UBXN2B: variants seen among roughly 807,000 people sequenced by gnomAD.
UBXN2B encodes the protein UBX domain-containing protein 2B.
UBXN2B carries 19 observed loss-of-function variants against 37.5 expected under a neutral mutation model. The ratio of observed to expected loss-of-function variants is 0.51; its 90% CI spans 0.35 to 0.74. The LOEUF (loss-of-function observed/expected upper bound fraction) is 0.74, where lower values mean the gene tolerates loss of function less well. Ranked by LOEUF, UBXN2B falls within the 30% of genes least tolerant of loss-of-function variation. UBXN2B has a pLI of 0.01. For missense variants in UBXN2B, 370 were observed against 393.2 expected (o/e 0.94, Z 0.50); for synonymous variants, 145 against 143.8 (o/e 1.01, Z -0.06).
chr8:58,423,826 C>T (rs1463981928), intron 2 of UBXN2B, among the ~76,000 whole-genome samples: 12 of 151,844 alleles, frequency 7.9e-5, no homozygotes, highest in Non-Finnish European at 1.0e-4. Context: ...TTCATAGATG[C>T]CTTTTTTCTG....
chr8:58,445,864 ATAT>A (rs781752060), intron 6 of UBXN2B, 40 bp from the exon 7 acceptor site: 5 of 1,515,288 alleles, frequency 3.3e-6, no homozygotes, highest in Non-Finnish European at 4.4e-6. Flanking sequence ...AGTTTGTCAT[ATAT>A]TTTACACATT....
intron 4 of UBXN2B, among the ~76,000 whole-genome samples, 161 bp from the exon 5 acceptor site, chr8:58,434,234 A>G (rs1162303754): frequency 6.6e-6 from 1 of 152,130 alleles, no homozygotes; most frequent in African/African-American, 2.4e-5. Context: ...GTCTTTCACT[A>G]TGAATAAAGA....
intron 6 of UBXN2B, 36 bp downstream of exon 6, chr8:58,439,806 A>T (rs576146278): frequency 6.4e-7 from 1 of 1,562,614 alleles, no homozygotes; most frequent in Admixed American, 2.1e-5. Context: ...ACCTTTGTTG[A>T]ACATGAATTT....
chr8:58,435,184 A>G, intron 5 of UBXN2B: 1 of 1,290,618 alleles, frequency 7.7e-7, no homozygotes, highest in South Asian at 1.6e-5. Context: ...ATTAAGTTGT[A>G]GGAAAGGATC....
intron 5 of UBXN2B, among the ~76,000 whole-genome samples, chr8:58,438,516 A>G (rs1794920231): frequency 6.6e-6 from 1 of 152,196 alleles, no homozygotes; most frequent in African/African-American, 2.4e-5. Context: ...TTGGAGCTTT[A>G]AGATTTAATG....
chr8:58,425,867 A>G (rs1808069554), intron 2 of UBXN2B: 1 of 1,147,386 alleles, frequency 8.7e-7, no homozygotes, highest in Non-Finnish European at 1.3e-6. Flanking sequence ...AACATGGGCC[A>G]CTTTAGACTT....
At chr8:58,445,838 GT>G (rs1358690253) in intron 6 of UBXN2B, 68 bp from the exon 7 acceptor site, 43 of 1,361,740 alleles carry the variant, frequency 3.2e-5, no homozygotes, top group Admixed American at 1.1e-4. Flanking sequence ...TGTTCTAAGT[GT>G]TTATCGCTGT....
rs33952664 is a variant in UBXN2B, at chr8:58,441,348, C to CATATATATATATATATATAT, written c.671+1579_671+1598dup. ...TTTTTACTCCTCTTGTTGTGATCAA[C>CATATATATATATATATATAT]ATATATATATATATATATATGTATG... On this transcript the variant is annotated intron_variant, in intron 6 of 7. Coordinates refer to ENST00000399598, the MANE Select transcript of UBXN2B (RefSeq NM_001077619.2). Among the ~76,000 whole-genome samples the CATATATATATATATATATAT allele has an allele frequency of 2.1e-3, 221 of 104,526 alleles. 6 individuals carry two copies. Among genetic ancestry groups the CATATATATATATATATATAT allele is most frequent in the African/African-American group, 7.3e-3 (182 of 24,928 alleles). 68.6% of individuals were successfully genotyped at this position (104,526 alleles called of 152,430 possible). A position where few individuals can be genotyped will look rare whatever the true frequency, so the allele number is the denominator to read the frequency against.
At chr8:58,430,743 A>G in intron 3 of UBXN2B, 74 bp downstream of exon 3, 1 of 1,172,694 alleles carries the variant, frequency 8.5e-7, no homozygotes, top group Non-Finnish European at 1.1e-6. Flanking sequence ...ATTATTTGCA[A>G]ACATTGTTTT....
At chr8:58,429,714 A>G (rs1808197654) in intron 2 of UBXN2B, among the ~76,000 whole-genome samples, 1 of 152,006 alleles carries the variant, frequency 6.6e-6, no homozygotes, top group Non-Finnish European at 1.5e-5. Context: ...GTTTTGTTCT[A>G]TGTGTCAGTT....
chr8:58,428,024 A>G (rs1312513997), intron 2 of UBXN2B, among the ~76,000 whole-genome samples: 1 of 152,200 alleles, frequency 6.6e-6, no homozygotes, highest in African/African-American at 2.4e-5. Flanking sequence ...GAGAAGAAGG[A>G]TAGGCTCAAA....
chr8:58,431,673 A>T (rs141269370), intron 3 of UBXN2B, among the ~76,000 whole-genome samples: 1 of 152,214 alleles, frequency 6.6e-6, no homozygotes, highest in Admixed American at 6.5e-5. Flanking sequence ...GCCATTTTAT[A>T]TTCCCACATA....
intron 2 of UBXN2B, among the ~76,000 whole-genome samples, chr8:58,417,782 C>T (rs948911962): frequency 6.6e-6 from 1 of 152,116 alleles, no homozygotes; most frequent in African/African-American, 2.4e-5. Context: ...CAAGTTGGTA[C>T]AATGTTACAT....
chr8:58,420,095 A>G (rs1229031311), intron 2 of UBXN2B, among the ~76,000 whole-genome samples: 1 of 152,252 alleles, frequency 6.6e-6, no homozygotes, highest in African/African-American at 2.4e-5. Context: ...AAATTTAGTG[A>G]CAAAACTATA....
At chr8:58,434,361 ATATATATAT>A (rs1369021336) in intron 4 of UBXN2B, 25 bp from the exon 5 acceptor site, 18 of 561,642 alleles carry the variant, frequency 3.2e-5, no homozygotes, top group Non-Finnish European at 3.9e-5. Flanking sequence ...ATATATATAT[ATATATATAT>A]TTTTTTTTTT....
intron 6 of UBXN2B, among the ~76,000 whole-genome samples, chr8:58,442,523 C>T (rs1424182821): frequency 6.6e-6 from 1 of 152,164 alleles, no homozygotes; most frequent in Non-Finnish European, 1.5e-5. Flanking sequence ...AGTCTAATTA[C>T]ACACAGAATG....
intron 5 of UBXN2B, among the ~76,000 whole-genome samples, chr8:58,438,665 A>G (rs1478964379): frequency 6.6e-6 from 1 of 152,200 alleles, no homozygotes; most frequent in African/African-American, 2.4e-5. Flanking sequence ...TTTTTATCTT[A>G]CAGGATTATA....
chr8:58,413,410 T>C (rs990458359), intron 1 of UBXN2B: 1 of 152,210 alleles, frequency 6.6e-6, no homozygotes, highest in African/African-American at 2.4e-5. Flanking sequence ...ATAATGTTCT[T>C]CCCAAATGGT....
At chr8:58,415,898 T>C (rs576092479) in intron 1 of UBXN2B, among the ~76,000 whole-genome samples, 8 of 152,094 alleles carry the variant, frequency 5.3e-5, no homozygotes, top group Non-Finnish European at 1.2e-4. Flanking sequence ...GTGTATATTT[T>C]AAAAGTTGAC....
Sources: gnomAD v4.1 joint callset for allele counts (sites outside exome capture counted in the v4.1 genomes callset) on GRCh38, gnomAD v4.1.1 for gene constraint, MANE v1.5 for transcripts, NCBI Gene and HGNC (gene_info 2026-07-23, HGNC 2026-07-21) for gene names.